The following GRIK4 variants were observed in gnomAD, a reference collection of about 807,000 sequenced individuals.
GRIK4 encodes glutamate receptor ionotropic, kainate 4.
In GRIK4, 40 loss-of-function variants were observed where a neutral mutation model predicts 104.9. That is an observed-to-expected ratio of 0.38 (90% CI 0.30 to 0.50). The LOEUF (loss-of-function observed/expected upper bound fraction) is 0.50. GRIK4 is among the 20% of genes least tolerant of loss of function. The probability of loss-of-function intolerance (pLI) is 0.93; values close to 1 mark genes in which losing one functional copy is unlikely to be tolerated. For synonymous variants in GRIK4, 485 were observed against 524.9 expected (o/e 0.92, Z 1.04); for missense variants, 1,047 against 1,308.1 (o/e 0.80, Z 3.08).
At chr11:120,563,787 G>C (rs1205201834) in intron 1 of GRIK4, among the ~76,000 whole-genome samples, 1 of 152,158 alleles carries the variant, frequency 6.6e-6, no homozygotes, top group East Asian at 1.9e-4. Context: ...TACCTCCTGA[G>C]CTACCCAGGG....
chr11:120,813,579 A>G (rs1952872619), intron 4 of GRIK4, among the ~76,000 whole-genome samples: 2 of 152,212 alleles, frequency 1.3e-5, no homozygotes, highest in African/African-American at 4.8e-5. Context: ...CCATAGGCTA[A>G]GAGAAGACTC....
chr11:120,793,003 G>A (rs1952431113), intron 3 of GRIK4, among the ~76,000 whole-genome samples: 1 of 152,298 alleles, frequency 6.6e-6, no homozygotes, highest in African/African-American at 2.4e-5. Flanking sequence ...AACCCTAGGA[G>A]AGTAGTTTCA....
intron 8 of GRIK4, among the ~76,000 whole-genome samples, chr11:120,839,480 A>G (rs187335573): frequency 9.9e-4 from 151 of 152,360 alleles, no homozygotes; most frequent in African/African-American, 3.5e-3. Context: ...GAGATAATGT[A>G]CACATAGCAA....
At chr11:120,821,458 G>A (rs1433166033) in intron 6 of GRIK4, among the ~76,000 whole-genome samples, 5 of 152,212 alleles carry the variant, frequency 3.3e-5, no homozygotes, top group Non-Finnish European at 1.5e-5. Context: ...GGCTGGGGAA[G>A]GTAGCAGAGA....
chr11:120,764,331 G>A (rs1591882975), intron 3 of GRIK4, among the ~76,000 whole-genome samples: 3 of 152,054 alleles, frequency 2.0e-5, no homozygotes, highest in Non-Finnish European at 2.9e-5. Context: ...TTGAGCCCAC[G>A]TGTGTCTTTG....
chr11:120,624,874 G>C (rs930736544), intron 1 of GRIK4, among the ~76,000 whole-genome samples: 2 of 152,182 alleles, frequency 1.3e-5, no homozygotes, highest in Admixed American at 6.5e-5. Context: ...TGATTATCTT[G>C]GGGGGATGGG....
At chr11:120,783,094 G>A (rs1952191719) in intron 3 of GRIK4, among the ~76,000 whole-genome samples, 1 of 152,146 alleles carries the variant, frequency 6.6e-6, no homozygotes, top group South Asian at 2.1e-4. Context: ...TCGCCCTAGC[G>A]ATGCTGCTGA....
chr11:120,588,758 C>A (rs922949247), intron 1 of GRIK4, among the ~76,000 whole-genome samples: 2 of 152,118 alleles, frequency 1.3e-5, no homozygotes, highest in African/African-American at 4.8e-5. Context: ...GGGTGTTTGG[C>A]AGTCTCCCTG....
At chr11:120,744,027 A>G (rs2135412975) in intron 3 of GRIK4, among the ~76,000 whole-genome samples, 1 of 152,358 alleles carries the variant, frequency 6.6e-6, no homozygotes, top group African/African-American at 2.4e-5. Context: ...TAAGGTGTGC[A>G]GCTGAAAGAT....
intron 3 of GRIK4, among the ~76,000 whole-genome samples, chr11:120,790,520 C>CA (rs1019885356): frequency 8.6e-5 from 13 of 151,858 alleles, no homozygotes; most frequent in Admixed American, 2.6e-4. Context: ...ACCACCTGAA[C>CA]AAAAAAACAG....
At chr11:120,960,638 C>T (rs1206411333) in intron 16 of GRIK4, among the ~76,000 whole-genome samples, 1 of 152,234 alleles carries the variant, frequency 6.6e-6, no homozygotes, top group Admixed American at 6.5e-5. Context: ...TGTGCATGGA[C>T]TACACCTCTT....
intron 3 of GRIK4, among the ~76,000 whole-genome samples, chr11:120,769,577 G>T (rs1006867079): frequency 6.6e-6 from 1 of 152,030 alleles, no homozygotes. Context: ...TTAACTTGCA[G>T]ACCACATCAA....
rs1367189236 is a variant in GRIK4, at chr11:120,939,709, C to T, written c.1477-638C>T. 1.1e-4 allele frequency among the ~76,000 whole-genome samples: 16 copies of T among 152,160 alleles called. No individual in the cohort carries two copies. The highest frequency in any genetic ancestry group is 1.9e-4 in the East Asian group (1 of 5,198). On this transcript the variant is annotated intron_variant, in intron 13 of 20. Transcript: ENST00000527524. The surrounding 1 kb of genome is among the most constrained non-coding windows in gnomAD (Gnocchi z 5.6). ...CTCAATATTGAGAATGGGCCAGGCGCGGTGGCTCATGCCTATAATCCCATC... is the reference window on the plus strand; with the variant it reads ...CTCAATATTGAGAATGGGCCAGGCGTGGTGGCTCATGCCTATAATCCCATC...
chr11:120,597,086 G>C (rs1171697275), intron 1 of GRIK4, among the ~76,000 whole-genome samples: 2 of 152,178 alleles, frequency 1.3e-5, no homozygotes, highest in African/African-American at 2.4e-5. Flanking sequence ...AAGCACTGGG[G>C]GCCTCAGGAC....
intron 1 of GRIK4, among the ~76,000 whole-genome samples, chr11:120,544,491 T>C (rs1381806292): frequency 6.6e-6 from 1 of 152,166 alleles, no homozygotes; most frequent in Non-Finnish European, 1.5e-5. Flanking sequence ...CCACCACATC[T>C]GGCTAATTTT....
intron 8 of GRIK4, among the ~76,000 whole-genome samples, chr11:120,841,603 C>G (rs1227758908): frequency 6.6e-6 from 1 of 152,164 alleles, no homozygotes; most frequent in African/African-American, 2.4e-5. Context: ...GTTCAAGTCC[C>G]TGCTTTCAAT....
At chr11:120,535,294 G>GTTGCC (rs59203987) in intron 1 of GRIK4, among the ~76,000 whole-genome samples, 101,209 of 145,568 alleles carry the variant, frequency 0.7, 35,477 homozygotes, top group Middle Eastern at 0.75. Flanking sequence ...GGGAAGGGGG[G>GTTGCC]TGCAGATCTT....
intron 1 of GRIK4, among the ~76,000 whole-genome samples, chr11:120,634,341 A>G (rs1179709174): frequency 6.6e-6 from 1 of 152,142 alleles, no homozygotes; most frequent in Admixed American, 6.5e-5. Flanking sequence ...GTTCTGCAGC[A>G]AACAGGAGGC....
At chr11:120,788,341 G>A (rs188403811) in intron 3 of GRIK4, among the ~76,000 whole-genome samples, 7 of 152,102 alleles carry the variant, frequency 4.6e-5, no homozygotes, top group East Asian at 3.9e-4. Context: ...CGGCATTGCC[G>A]TCAGCAGCAC....
Sources: gnomAD v4.1 joint callset for allele counts (sites outside exome capture counted in the v4.1 genomes callset) on GRCh38, gnomAD v4.1.1 for gene constraint, Gnocchi (gnomAD v3.1) non-coding constraint, MANE v1.5 for transcripts, NCBI Gene and HGNC (gene_info 2026-07-23, HGNC 2026-07-21) for gene names.